DDX10: variants seen among roughly 807,000 people sequenced by gnomAD.
DDX10 encodes the protein probable ATP-dependent RNA helicase DDX10.
Under a neutral mutation model 104.3 loss-of-function variants are expected in DDX10, and 74 were observed. The ratio of observed to expected loss-of-function variants is 0.71; its 90% CI spans 0.59 to 0.86. DDX10 has a LOEUF of 0.86. DDX10 is among the 40% of genes least tolerant of loss of function. The pLI is 0.00. For missense variants in DDX10, 952 were observed against 1,040.0 expected (o/e 0.92, Z 1.16); for synonymous variants, 351 against 353.4 (o/e 0.99, Z 0.08).
At chr11:108,882,288 A>G (rs1174624866) in intron 16 of DDX10, among the ~76,000 whole-genome samples, 2 of 152,208 alleles carry the variant, frequency 1.3e-5, no homozygotes, top group South Asian at 2.1e-4. Context: ...ATCTGGGAAC[A>G]GGCAGAAGCA....
At chr11:108,889,514 T>C (rs914114784) in intron 16 of DDX10, among the ~76,000 whole-genome samples, 8 of 152,216 alleles carry the variant, frequency 5.3e-5, no homozygotes, top group Non-Finnish European at 1.0e-4. Context: ...TATCAAATGT[T>C]AACTTTTTTT....
At chr11:108,852,466 G>A (rs534016564) in intron 16 of DDX10, among the ~76,000 whole-genome samples, 1 of 152,126 alleles carries the variant, frequency 6.6e-6, no homozygotes, top group South Asian at 2.1e-4. Flanking sequence ...ACTGGGCTTG[G>A]CCCCATTTAC....
intron 16 of DDX10, among the ~76,000 whole-genome samples, chr11:108,852,522 G>C (rs898871419): frequency 7.9e-5 from 12 of 152,142 alleles, no homozygotes; most frequent in African/African-American, 2.9e-4. Flanking sequence ...AATACAAAAG[G>C]CAGTTGACTC....
At chr11:108,703,134 A>G (rs1389637830) in intron 9 of DDX10, among the ~76,000 whole-genome samples, 1 of 152,150 alleles carries the variant, frequency 6.6e-6, no homozygotes, top group Non-Finnish European at 1.5e-5. Context: ...TGGATGTTAA[A>G]TGTTCTCACC....
Position 108,838,537 on chromosome 11 carries a change from A to G in DDX10, c.2057A>G (p.Lys686Arg), listed in dbSNP as rs1565294385. The stretch of plus-strand genomic sequence containing the variant: ...ATGAAGAGAAATTTTAAAGTGAATA[A>G]GAAGATAACATTTACTGATGAAGGG... Reference protein sequence around the residue: ...KVMKRNFKVNKKITFTDEGEL... With the variant: ...KVMKRNFKVNRKITFTDEGEL... Residue 686 changes from lysine (K) to arginine (R), a missense_variant, in exon 14 of 18, where the codon AAG (lysine) becomes AGG (arginine). Lys to Arg is a conservative substitution (Grantham distance 26). Transcript: ENST00000322536. 6.2e-7 allele frequency: 1 copy of G among 1,611,520 alleles called. No individual in the cohort carries two copies. Among genetic ancestry groups the G allele is most frequent in the Non-Finnish European group, 8.5e-7 (1 of 1,179,038 alleles).
Position 108,715,154 on chromosome 11 carries a change from C to T in DDX10, c.1323-725C>T, listed in dbSNP as rs553922397. Among the ~76,000 whole-genome samples, 190 of 151,840 alleles carry T rather than the reference C, an allele frequency of 1.3e-3. 2 individuals carry two copies. Among genetic ancestry groups the T allele is most frequent in the Non-Finnish European group, 2.2e-3 (149 of 67,990 alleles). Reference sequence around the variant, plus strand: ...TTCTAAATAAGGAAATCACTACAATCTTTGGCTACTTGTTTATTACTTGAA... The same window carrying T: ...TTCTAAATAAGGAAATCACTACAATTTTTGGCTACTTGTTTATTACTTGAA... On this transcript the variant is annotated intron_variant, in intron 10 of 17. Transcript: ENST00000322536.
chr11:108,678,469 A>T (rs2094229374), intron 5 of DDX10, 34 bp downstream of exon 5: 2 of 1,555,126 alleles, frequency 1.3e-6, no homozygotes, highest in East Asian at 4.5e-5. Context: ...TAAAAAAAAA[A>T]AAAGCTCAGA....
Position 108,867,317 on chromosome 11 carries a change from T to A in DDX10, c.2304+15108T>A, listed in dbSNP as rs542178584. ...TGTGTGCTTATGTACCCAGCTCATGTTTAAGTATTTTTGCATATGCATTTA... is the reference window on the plus strand; with the variant it reads ...TGTGTGCTTATGTACCCAGCTCATGATTAAGTATTTTTGCATATGCATTTA... On this transcript the variant is annotated intron_variant, in intron 16 of 17. Coordinates refer to ENST00000322536, the MANE Select transcript of DDX10 (RefSeq NM_004398.4). Among the ~76,000 whole-genome samples the A allele has an allele frequency of 4.6e-5, 7 of 152,250 alleles. No homozygotes were observed. The East Asian group carries it at 7.7e-4, about 17-fold the overall frequency.
intron 13 of DDX10, among the ~76,000 whole-genome samples, chr11:108,729,179 T>G (rs2094308930): frequency 6.6e-6 from 1 of 152,176 alleles, no homozygotes; most frequent in Non-Finnish European, 1.5e-5. Flanking sequence ...CTTACACATA[T>G]TAGGGCATAA....
At chr11:108,935,746 A>T (rs916426011) in intron 17 of DDX10, among the ~76,000 whole-genome samples, 1 of 152,208 alleles carries the variant, frequency 6.6e-6, no homozygotes, top group Non-Finnish European at 1.5e-5. Context: ...GATGACTTCC[A>T]ACCTTTTCAT....
At chr11:108,724,572 A>G (rs1216076434) in intron 13 of DDX10, among the ~76,000 whole-genome samples, 1 of 152,110 alleles carries the variant, frequency 6.6e-6, no homozygotes, top group Non-Finnish European at 1.5e-5. Context: ...AAATTAGATC[A>G]TTTTAAGTCT....
chr11:108,913,644 AC>A (rs1863709163), intron 16 of DDX10, among the ~76,000 whole-genome samples: 1 of 152,102 alleles, frequency 6.6e-6, no homozygotes, highest in African/African-American at 2.4e-5. Flanking sequence ...TGGCTTAGTG[AC>A]TTTGCCGTCC....
chr11:108,770,911 T>G (rs1051399549), intron 13 of DDX10, among the ~76,000 whole-genome samples: 6 of 152,162 alleles, frequency 3.9e-5, no homozygotes, highest in African/African-American at 1.2e-4. Flanking sequence ...TAGTTTTTTT[T>G]TGTGGAGTTT....
intron 16 of DDX10, among the ~76,000 whole-genome samples, chr11:108,880,073 A>T (rs531100885): frequency 3.9e-5 from 6 of 152,344 alleles, no homozygotes; most frequent in Admixed American, 2.6e-4. Context: ...TGTCATAAAA[A>T]TATACTTCAG....
intron 16 of DDX10, among the ~76,000 whole-genome samples, chr11:108,899,727 G>T (rs1363418172): frequency 6.6e-6 from 1 of 152,116 alleles, no homozygotes; most frequent in Non-Finnish European, 1.5e-5. Context: ...GGGGCAGATG[G>T]GAGGTGTTTG....
chr11:108,931,279 A>G (rs1863972765), intron 17 of DDX10, among the ~76,000 whole-genome samples: 1 of 152,246 alleles, frequency 6.6e-6, no homozygotes, highest in Admixed American at 6.5e-5. Flanking sequence ...TAACATTTAT[A>G]ATGCATTTAC....
intron 13 of DDX10, among the ~76,000 whole-genome samples, chr11:108,830,178 T>C (rs1862449207): frequency 6.6e-6 from 1 of 152,268 alleles, no homozygotes. Flanking sequence ...AAATATTGAT[T>C]CTACCCATTT....
Position 108,723,049 on chromosome 11 carries a change from A to C in DDX10, c.1552A>C (p.Lys518Gln), listed in dbSNP as rs1207651289. The change falls in exon 13 of 18, where the codon AAA becomes CAA. Residue 518 changes from lysine to glutamine, a missense_variant. Coordinates refer to ENST00000322536, the MANE Select transcript of DDX10 (RefSeq NM_004398.4). ...CGTAAGATTTCTTCAGAAAATGCAG[A>C]AACAACCCACCAAAGAATTGGTAAG... ...PRVRFLQKMQKQPTKELVRSQ... is the reference protein window; with the variant it reads ...PRVRFLQKMQQQPTKELVRSQ... The C allele has an allele frequency of 6.2e-7, 1 of 1,612,880 alleles. No homozygotes were observed. The highest frequency in any genetic ancestry group is 8.5e-7 in the Non-Finnish European group (1 of 1,179,596).
intron 1 of DDX10, among the ~76,000 whole-genome samples, chr11:108,672,026 A>C (rs190428583): frequency 0.01 from 1,450 of 138,230 alleles, 13 homozygotes; most frequent in Non-Finnish European, 0.017. Flanking sequence ...GCGCCACTGC[A>C]CTCCAGCCTG....
Sources: allele counts gnomAD v4.1 joint callset (sites outside exome capture counted in the v4.1 genomes callset), GRCh38; gene constraint gnomAD v4.1.1; transcripts MANE v1.5; gene names NCBI Gene and HGNC (gene_info 2026-07-23, HGNC 2026-07-21).